The following CRTAC1 variants were observed in gnomAD, a reference collection of about 807,000 sequenced individuals.
CRTAC1 encodes cartilage acidic protein 1, also known as acidic secreted protein in cartilage.
CRTAC1 carries 37 observed loss-of-function variants against 67.8 expected under a neutral mutation model. The ratio of observed to expected loss-of-function variants is 0.55; its 90% CI spans 0.42 to 0.72. The LOEUF (loss-of-function observed/expected upper bound fraction) is 0.72, where lower values mean the gene tolerates loss of function less well. Ranked by LOEUF, CRTAC1 falls within the 30% of genes least tolerant of loss-of-function variation. The pLI, the probability that CRTAC1 is intolerant of heterozygous loss-of-function variation, is 0.00. For missense variants in CRTAC1, 780 were observed against 931.6 expected (o/e 0.84, Z 2.12); for synonymous variants, 348 against 371.0 (o/e 0.94, Z 0.71).
At chr10:97,923,043 T>TTGGC (rs1263861275) in intron 4 of CRTAC1, among the ~76,000 whole-genome samples, 1 of 152,190 alleles carries the variant, frequency 6.6e-6, no homozygotes, top group African/African-American at 2.4e-5. Flanking sequence ...CAATGATCCC[T>TTGGC]TGGCTGGCTT....
chr10:97,960,217 G>C (rs1198762235), intron 2 of CRTAC1, among the ~76,000 whole-genome samples: 1 of 152,230 alleles, frequency 6.6e-6, no homozygotes, highest in Admixed American at 6.5e-5. Context: ...AGCAGTCCCA[G>C]CCCCGCTGTA....
At chr10:97,949,243 C>T (rs1433111407) in intron 2 of CRTAC1, among the ~76,000 whole-genome samples, 1 of 152,208 alleles carries the variant, frequency 6.6e-6, no homozygotes, top group Middle Eastern at 3.2e-3. Context: ...GATCAGCCAC[C>T]TCAGAGGGGG....
Position 98,030,042 on chromosome 10 carries a change from C to T in CRTAC1, c.24+407G>A, listed in dbSNP as rs1243046729. Among the ~76,000 whole-genome samples, 1 of 152,070 alleles carries T rather than the reference C, an allele frequency of 6.6e-6. No individual in the cohort carries two copies. Among genetic ancestry groups the T allele is most frequent in the Admixed American group, 6.5e-5 (1 of 15,282 alleles). ...CCAGTGGCTTCCCAGGCCCGGGTCT[C>T]AGCCTGGCTGACTGGGAGACTCTCC... is the stretch of plus-strand genomic sequence containing the variant. On this transcript the variant is annotated intron_variant, in intron 1 of 14. Coordinates refer to ENST00000370597, the MANE Select transcript of CRTAC1 (RefSeq NM_018058.7). This position sits in a 1 kb window ranked among gnomAD's most constrained non-coding sequence, Gnocchi z 4.2.
chr10:98,018,604 C>T (rs753407750), intron 1 of CRTAC1, among the ~76,000 whole-genome samples: 1 of 152,138 alleles, frequency 6.6e-6, no homozygotes, highest in Non-Finnish European at 1.5e-5. Flanking sequence ...GATTCTCTGA[C>T]GTGGGGTCAG....
At chr10:97,893,784 A>G (rs925053261) in intron 11 of CRTAC1, among the ~76,000 whole-genome samples, 14 of 151,926 alleles carry the variant, frequency 9.2e-5, no homozygotes, top group African/African-American at 3.1e-4. Flanking sequence ...GCCAACCACC[A>G]ATCTGTTTTC....
At chr10:97,909,511 A>C (rs2050659634) in intron 5 of CRTAC1, among the ~76,000 whole-genome samples, 1 of 152,184 alleles carries the variant, frequency 6.6e-6, no homozygotes, top group East Asian at 1.9e-4. Flanking sequence ...ATGAGGTAAG[A>C]TGCACCTGTC....
At chr10:97,989,489 G>A (rs547348759) in intron 2 of CRTAC1, among the ~76,000 whole-genome samples, 13 of 152,182 alleles carry the variant, frequency 8.5e-5, no homozygotes, top group Non-Finnish European at 1.0e-4. Context: ...TGCACAGCAT[G>A]TTACTGTACT....
intron 2 of CRTAC1, among the ~76,000 whole-genome samples, chr10:97,988,591 G>A (rs985203884): frequency 6.6e-6 from 1 of 152,130 alleles, no homozygotes; most frequent in Non-Finnish European, 1.5e-5. Flanking sequence ...GTGGCAGCAT[G>A]TGCCTGTAAT....
rs1159640134 is a variant in CRTAC1 at position 98,030,292 on chromosome 10, C to T, written c.24+157G>A. 6.6e-6 allele frequency among the ~76,000 whole-genome samples: 1 copy of T among 152,162 alleles called. No homozygotes were observed. The highest frequency in any genetic ancestry group is 1.9e-4 in the East Asian group (1 of 5,164). ...CGCGCCAATCGAGTCCAGCGCCTCCCAGCAAGTTAGGAGCGAAGCCGCCGC... is the reference window on the plus strand; with the variant it reads ...CGCGCCAATCGAGTCCAGCGCCTCCTAGCAAGTTAGGAGCGAAGCCGCCGC... On this transcript the variant is annotated intron_variant, in intron 1 of 14. Coordinates refer to ENST00000370597, the MANE Select transcript of CRTAC1 (RefSeq NM_018058.7). This position sits in a 1 kb window ranked among gnomAD's most constrained non-coding sequence, Gnocchi z 4.2.
intron 2 of CRTAC1, among the ~76,000 whole-genome samples, chr10:97,973,295 G>A (rs565535683): frequency 4.6e-5 from 7 of 151,962 alleles, no homozygotes; most frequent in South Asian, 2.1e-4. Flanking sequence ...CCTTGTCTCC[G>A]TCCCACCCTA....
At chr10:97,942,842 G>T (rs1254242844) in intron 2 of CRTAC1, among the ~76,000 whole-genome samples, 1 of 151,842 alleles carries the variant, frequency 6.6e-6, no homozygotes, top group Non-Finnish European at 1.5e-5. Flanking sequence ...CGAGATAGGA[G>T]GATCCCTTGA....
chr10:97,874,886 C>T (rs4919154), intron 14 of CRTAC1, among the ~76,000 whole-genome samples: 86,336 of 152,020 alleles, frequency 0.57, 24,662 homozygotes, highest in East Asian at 0.68. Flanking sequence ...TTACTCTTCT[C>T]CAGCCCTCCA....
chr10:98,025,199 T>G (rs903050112), intron 1 of CRTAC1, among the ~76,000 whole-genome samples: 1 of 152,170 alleles, frequency 6.6e-6, no homozygotes, highest in Non-Finnish European at 1.5e-5. Context: ...GATTCTGTGC[T>G]GCAATGCTCC....
intron 11 of CRTAC1, among the ~76,000 whole-genome samples, chr10:97,887,379 G>A (rs552708646): frequency 6.6e-6 from 1 of 152,084 alleles, no homozygotes; most frequent in Non-Finnish European, 1.5e-5. Flanking sequence ...GAGTAGCTGG[G>A]ATTACAGGCA....
intron 3 of CRTAC1, 74 bp from the exon 4 acceptor site, chr10:97,923,474 A>C: frequency 1.8e-4 from 283 of 1,582,902 alleles, no homozygotes; most frequent in Non-Finnish European, 2.2e-4. Context: ...GGTATGTCTC[A>C]TGGCACCTTT....
intron 8 of CRTAC1, 32 bp from the exon 9 acceptor site, chr10:97,897,023 G>T (rs1360501510): frequency 2.0e-5 from 30 of 1,497,418 alleles, no homozygotes; most frequent in Non-Finnish European, 2.6e-5. Flanking sequence ...TGCTCTGGTG[G>T]GGTCTCAGAG....
chr10:98,009,973 A>G (rs745728156), intron 2 of CRTAC1, among the ~76,000 whole-genome samples: 1 of 152,180 alleles, frequency 6.6e-6, no homozygotes, highest in Non-Finnish European at 1.5e-5. Context: ...TTGGGGATGA[A>G]ATAAAATGAG....
rs1803881838 is a variant in CRTAC1 at position 98,023,060 on chromosome 10, A to C, written c.24+7389T>G. ...CCTAGTTTGTCTCCAGTGGAAGTCC[A>C]AATTTCCATGCAGTCTATCAGCTTC... On this transcript the variant is annotated intron_variant, in intron 1 of 14. Transcript: ENST00000370597. Among the ~76,000 whole-genome samples, 3 of 152,344 alleles carry C rather than the reference A, an allele frequency of 2.0e-5. No homozygotes were observed. The South Asian group carries it at 6.2e-4, about 32-fold the overall frequency.
chr10:97,928,332 T>C (rs2050952927), intron 3 of CRTAC1, among the ~76,000 whole-genome samples: 1 of 152,124 alleles, frequency 6.6e-6, no homozygotes, highest in Non-Finnish European at 1.5e-5. Context: ...CGTTGGAGGC[T>C]GGGGGAAGTA....
Sources: allele counts gnomAD v4.1 joint callset (sites outside exome capture counted in the v4.1 genomes callset), GRCh38; gene constraint gnomAD v4.1.1; non-coding constraint Gnocchi (gnomAD v3.1); transcripts MANE v1.5; gene names NCBI Gene and HGNC (gene_info 2026-07-23, HGNC 2026-07-21).